EDEM3: variants seen among roughly 807,000 people sequenced by gnomAD.
The protein encoded by EDEM3 is ER degradation-enhancing alpha-mannosidase-like protein 3.
A neutral mutation model predicts 110.2 loss-of-function variants in EDEM3; 60 were observed. The observed-to-expected ratio is 0.54, with a 90% CI of 0.44 to 0.67. The LOEUF (loss-of-function observed/expected upper bound fraction) is 0.67. Ranked by LOEUF, EDEM3 falls within the 30% of genes least tolerant of loss-of-function variation. The pLI, the probability that EDEM3 is intolerant of heterozygous loss-of-function variation, is 0.00. For synonymous variants in EDEM3, 352 were observed against 382.9 expected (o/e 0.92, Z 0.94); for missense variants, 996 against 1,121.0 (o/e 0.89, Z 1.59).
intron 2 of EDEM3, 58 bp downstream of exon 2, chr1:184,749,489 G>T: frequency 7.7e-7 from 1 of 1,290,402 alleles, no homozygotes; most frequent in Non-Finnish European, 1.1e-6. Context: ...CCAGTTGACT[G>T]TGCTCACATA....
chr1:184,733,943 G>A (rs535971899), intron 5 of EDEM3, among the ~76,000 whole-genome samples: 2 of 152,066 alleles, frequency 1.3e-5, no homozygotes, highest in South Asian at 2.1e-4. Context: ...AACAAACTAC[G>A]TAAGCTGGTG....
chr1:184,753,229 TG>T (rs1217907008), intron 1 of EDEM3, among the ~76,000 whole-genome samples: 2 of 151,898 alleles, frequency 1.3e-5, no homozygotes, highest in Non-Finnish European at 2.9e-5. Flanking sequence ...AAAAAAAACA[TG>T]GGATGATACT....
Position 184,754,713 on chromosome 1 carries a change from T to C in EDEM3, c.-67A>G, listed in dbSNP as rs1047645955. ...GGTGAGACACATTGCTGGACGCTGGTGGCCAGGGGGCTGCTAGCCGTGCCG... is the reference window on the plus strand; with the variant it reads ...GGTGAGACACATTGCTGGACGCTGGCGGCCAGGGGGCTGCTAGCCGTGCCG... On this transcript the variant is annotated 5_prime_UTR_variant, in exon 1 of 20. Transcript: ENST00000318130. The C allele has an allele frequency of 1.4e-6, 2 of 1,451,458 alleles. No homozygotes were observed. Among genetic ancestry groups the C allele is most frequent in the Non-Finnish European group, 9.0e-7 (1 of 1,107,114 alleles). The allele number at this position is 1,451,458 out of a possible 1,614,324, so 89.9% of individuals were successfully genotyped here. A position where few individuals can be genotyped will look rare whatever the true frequency, so the allele number is the denominator to read the frequency against.
At chr1:184,749,804 T>C (rs78304124) in intron 1 of EDEM3, among the ~76,000 whole-genome samples, 2,701 of 152,244 alleles carry the variant, frequency 0.018, 48 homozygotes, top group Non-Finnish European at 0.025. Context: ...TGAGCCAAAC[T>C]TTAATGATTA....
intron 13 of EDEM3, among the ~76,000 whole-genome samples, chr1:184,715,384 A>G (rs1249710659): frequency 5.3e-5 from 8 of 152,230 alleles, no homozygotes. Flanking sequence ...ATTTTAGAAC[A>G]TATCACATGG....
In EDEM3 at chr1:184,749,564, C is replaced by T; in HGVS notation, c.187G>A (p.Ala63Thr). 6.4e-7 allele frequency: 1 copy of T among 1,557,360 alleles called. No homozygotes were observed. The highest frequency in any genetic ancestry group is 2.3e-5 in the East Asian group (1 of 43,582). ...GNQVLEMFDH[A>T]YGNYMEHAYP... is the part of the protein sequence containing the mutation. ...CTACTTACCATATAGTTACCATAAG[C>T]ATGATCAAACATTTCCAGTACTTGA... Residue 63 changes from alanine (A) to threonine (T), a missense_variant, in exon 2 of 20, where the codon GCT becomes ACT. Physicochemically the swap from Ala to Thr is moderately conservative, Grantham distance 58. Around this residue, in one of 5 missense-constraint regions of EDEM3, gnomAD observed 200 missense variants for 183.8 expected, o/e 1.09. Coordinates refer to ENST00000318130, the MANE Select transcript of EDEM3 (RefSeq NM_025191.4).
chr1:184,714,244 AG>A (rs892005021), intron 13 of EDEM3, among the ~76,000 whole-genome samples: 2 of 152,236 alleles, frequency 1.3e-5, no homozygotes, highest in Non-Finnish European at 2.9e-5. Flanking sequence ...AAAGCTAGCA[AG>A]TTGAACATCA....
At chr1:184,741,312 T>C (rs1652123764) in intron 2 of EDEM3, among the ~76,000 whole-genome samples, 1 of 151,986 alleles carries the variant, frequency 6.6e-6, no homozygotes, top group African/African-American at 2.4e-5. Context: ...GGCAGGAGAA[T>C]TGCTTGAACC....
chr1:184,734,227 G>A (rs1651697432), intron 5 of EDEM3, among the ~76,000 whole-genome samples: 1 of 152,190 alleles, frequency 6.6e-6, no homozygotes, highest in Non-Finnish European at 1.5e-5. Context: ...CCAGCATTCT[G>A]GGAGGCCGAG....
rs2102148486 is a variant in EDEM3 at position 184,754,810 on chromosome 1, T to A, written c.-164A>T. On this transcript the variant is annotated 5_prime_UTR_variant, in exon 1 of 20. Transcript: ENST00000318130. ...CTGTTTCCCGAAGCCACCAAGCCGG[T>A]CCCCAGCGCCAGCGCTGCCACCGCC... The A allele has an allele frequency of 4.2e-6, 5 of 1,191,422 alleles. No homozygotes were observed. The highest frequency in any genetic ancestry group is 5.6e-6 in the Non-Finnish European group (5 of 900,424). The allele number at this position is 1,191,422 out of a possible 1,614,324, so 73.8% of individuals were successfully genotyped here.
intron 1 of EDEM3, among the ~76,000 whole-genome samples, chr1:184,753,423 T>TC (rs1652886854): frequency 6.8e-6 from 1 of 146,800 alleles, no homozygotes; most frequent in African/African-American, 2.4e-5. Flanking sequence ...TTTTTTTTTT[T>TC]CGAGACAGAG....
intron 18 of EDEM3, among the ~76,000 whole-genome samples, chr1:184,706,055 T>C (rs991496135): frequency 2.0e-5 from 3 of 152,192 alleles, no homozygotes; most frequent in African/African-American, 7.2e-5. Flanking sequence ...TGCCAAGAAA[T>C]TTTATATATC....
At position 184,732,938 on chromosome 1, in the gene EDEM3, A is replaced by G. The variant is rs751651222; in HGVS notation, c.511T>C (p.Tyr171His). ...AGTTCATCATTGTACCACTGCATAT[A>G]TTCACCTTTTTCTTTCAGCATGATT... The part of the protein sequence containing the change: ...LAIMLKEKGE[Y>H]MQWYNDELLQ... The change falls in exon 6 of 20, where the codon TAT becomes CAT. Residue 171 changes from tyrosine (Y) to histidine (H), a missense_variant. By Grantham distance (83) the Tyr-to-His change is moderately conservative (BLOSUM62 2). Coordinates refer to ENST00000318130, the MANE Select transcript of EDEM3 (RefSeq NM_025191.4). The G allele has an allele frequency of 1.3e-5, 21 of 1,613,954 alleles. No individual in the cohort carries two copies. Among genetic ancestry groups the G allele is most frequent in the South Asian group, 5.5e-5 (5 of 91,076 alleles).
chr1:184,700,181 C>G (rs1360406031), intron 19 of EDEM3, among the ~76,000 whole-genome samples: 1 of 151,898 alleles, frequency 6.6e-6, no homozygotes, highest in African/African-American at 2.4e-5. Context: ...CAGAAAATTT[C>G]TGCTAGCAGA....
chr1:184,753,589 C>G (rs948450495), intron 1 of EDEM3, among the ~76,000 whole-genome samples: 1 of 152,086 alleles, frequency 6.6e-6, no homozygotes, highest in Non-Finnish European at 1.5e-5. Flanking sequence ...TACACTCTCA[C>G]TAAGCCTTTT....
chr1:184,754,587 T>C lies in EDEM3; in HGVS notation c.60A>G (p.Arg20=). 6.2e-7 allele frequency: 1 copy of C among 1,611,750 alleles called. No individual in the cohort carries two copies. The highest frequency in any genetic ancestry group is 8.5e-7 in the Non-Finnish European group (1 of 1,179,284). The change falls in exon 1 of 20, where the codon AGA becomes AGG. Residue 20 remains arginine, a synonymous_variant. Transcript: ENST00000318130. ...GSPVPQRARW[R]LVAATAAFCL... is the part of the protein sequence containing the mutation. ...AGAACGCGGCCGTCGCCGCCACTAG[T>C]CTCCATCGCGCTCGCTGGGGAACCG...
Position 184,711,825 on chromosome 1 carries a change from T to G in EDEM3, c.1589A>C (p.Asn530Thr). ...GTCATTAGGAAAGAGGATCTGAGTA[T>G]TTGGACAAGTCCAATCGAAGTTACT... ...DDSNFDWTCPNTQILFPNDPL... is the reference protein window; with the variant it reads ...DDSNFDWTCPTTQILFPNDPL... Residue 530 changes from asparagine (N) to threonine (T), a missense_variant, in exon 15 of 20, where the codon AAT (asparagine) becomes ACT (threonine). By Grantham distance (65) the Asn-to-Thr change is moderately conservative (BLOSUM62 0). Around this residue, in one of 5 missense-constraint regions of EDEM3, gnomAD observed 138 missense variants for 124.3 expected, o/e 1.11. Coordinates refer to ENST00000318130, the MANE Select transcript of EDEM3 (RefSeq NM_025191.4). 6.2e-7 allele frequency: 1 copy of G among 1,613,474 alleles called. No homozygotes were observed. The highest frequency in any genetic ancestry group is 8.5e-7 in the Non-Finnish European group (1 of 1,179,604).
In EDEM3 at chr1:184,716,874, A is replaced by C. The variant is rs1287655334; in HGVS notation, c.1370+14T>G. ...AGAGACCCTGAGGAAAGAGGATGTT[A>C]GCAATTGTTTTACCTGTCCTCATGA... is the stretch of plus-strand genomic sequence containing the variant. On this transcript the variant is annotated intron_variant, in intron 13 of 19. Coordinates refer to ENST00000318130, the MANE Select transcript of EDEM3 (RefSeq NM_025191.4). 3.1e-6 allele frequency: 5 copies of C among 1,612,322 alleles called. No individual in the cohort carries two copies. Among genetic ancestry groups the C allele is most frequent in the Non-Finnish European group, 4.2e-6 (5 of 1,178,872 alleles).
chr1:184,740,941 G>C (rs2102124761), intron 2 of EDEM3, among the ~76,000 whole-genome samples: 1 of 152,258 alleles, frequency 6.6e-6, no homozygotes, highest in East Asian at 1.9e-4. Flanking sequence ...GACACTGAAA[G>C]AGCAAAGGAC....
Sources: gnomAD v4.1 joint callset for allele counts (sites outside exome capture counted in the v4.1 genomes callset) on GRCh38, gnomAD v4.1.1 for gene constraint, gnomAD v4.1.1 regional missense constraint, MANE v1.5 for transcripts, NCBI Gene and HGNC (gene_info 2026-07-23, HGNC 2026-07-21) for gene names.